The following NPAS2 variants were observed in gnomAD, a reference collection of about 807,000 sequenced individuals.
The protein encoded by NPAS2 is neuronal PAS domain-containing protein 2.
A neutral mutation model predicts 107.5 loss-of-function variants in NPAS2; 23 were observed. The observed-to-expected ratio is 0.21, with a 90% CI of 0.15 to 0.30. NPAS2 has a LOEUF of 0.30. Among genes scored for constraint, NPAS2 ranks in the 10% least tolerant of loss-of-function variants. NPAS2 has a pLI of 1.00. For missense variants in NPAS2, 756 were observed against 1,043.3 expected (o/e 0.72, Z 3.79); for synonymous variants, 403 against 417.5 (o/e 0.97, Z 0.42).
chr2:100,831,185 A>G (rs1676711897), intron 1 of NPAS2, among the ~76,000 whole-genome samples: 1 of 152,000 alleles, frequency 6.6e-6, no homozygotes, highest in Admixed American at 6.6e-5. Flanking sequence ...AATCCCAGCT[A>G]CTCGGAAGGC....
At position 100,848,611 on chromosome 2, in the gene NPAS2, A is replaced by G. The variant is rs1677944778; in HGVS notation, c.-23+28197A>G. 3.3e-5 allele frequency among the ~76,000 whole-genome samples: 5 copies of G among 152,336 alleles called. No individual in the cohort carries two copies. In the South Asian group the frequency reaches 1.0e-3, roughly 32 times the overall value. ...TGAATGAGAGGAATACATACGTGCC[A>G]TCATAGGTTGAAAAAGTGATCTTTT... On this transcript the variant is annotated intron_variant, in intron 1 of 20. Coordinates refer to ENST00000335681, the MANE Select transcript of NPAS2 (RefSeq NM_002518.4).
intron 7 of NPAS2, among the ~76,000 whole-genome samples, chr2:100,953,391 CA>C (rs1242752947): frequency 2.1e-5 from 3 of 140,726 alleles, no homozygotes; most frequent in Admixed American, 7.2e-5. Context: ...AAAAAAAAAA[CA>C]AAAAAAACAC....
chr2:100,966,518 C>G (rs528097108), intron 10 of NPAS2, among the ~76,000 whole-genome samples: 67 of 152,028 alleles, frequency 4.4e-4, no homozygotes, highest in African/African-American at 1.6e-3. Context: ...ACCTATTGAT[C>G]CTAATGCATG....
chr2:100,956,546 A>G (rs958238876), intron 7 of NPAS2, among the ~76,000 whole-genome samples: 2 of 152,200 alleles, frequency 1.3e-5, no homozygotes, highest in Non-Finnish European at 2.9e-5. Context: ...ACATGTTTTC[A>G]TTCTTTTCAT....
At chr2:100,908,311 C>T (rs750760308) in intron 2 of NPAS2, among the ~76,000 whole-genome samples, 3 of 151,988 alleles carry the variant, frequency 2.0e-5, no homozygotes, top group Admixed American at 2.0e-4. Flanking sequence ...ATTTGCAGAG[C>T]GCTCACAGCC....
intron 2 of NPAS2, among the ~76,000 whole-genome samples, chr2:100,912,110 G>T (rs1045127984): frequency 6.6e-6 from 1 of 152,166 alleles, no homozygotes; most frequent in Non-Finnish European, 1.5e-5. Flanking sequence ...AGTTCTACCA[G>T]AAATGTGTGT....
At chr2:100,908,133 C>T (rs1378861230) in intron 2 of NPAS2, among the ~76,000 whole-genome samples, 1 of 152,092 alleles carries the variant, frequency 6.6e-6, no homozygotes, top group Non-Finnish European at 1.5e-5. Flanking sequence ...TTGATTCTTG[C>T]CAATGTTTAC....
chr2:100,901,674 G>A, intron 1 of NPAS2: 1 of 344,416 alleles, frequency 2.9e-6, no homozygotes, highest in Non-Finnish European at 4.1e-6. Context: ...GCCTCCTATG[G>A]GACACACTCC....
At position 100,854,341 on chromosome 2, in the gene NPAS2, G is replaced by A. The variant is rs1274898867; in HGVS notation, c.-23+33927G>A. On this transcript the variant is annotated intron_variant, in intron 1 of 20. Transcript: ENST00000335681. ...GCCTAAGTGGCTTAAGGAAGTGAGA[G>A]CAACTACTGGGAAGGAAGTGGAGTA... is the stretch of plus-strand genomic sequence containing the variant. Among the ~76,000 whole-genome samples the A allele has an allele frequency of 2.6e-5, 4 of 152,224 alleles. No individual in the cohort carries two copies. In the South Asian group the frequency reaches 6.2e-4, roughly 24 times the overall value.
chr2:100,911,183 G>T (rs1306896364), intron 2 of NPAS2, among the ~76,000 whole-genome samples: 1 of 152,094 alleles, frequency 6.6e-6, no homozygotes, highest in Non-Finnish European at 1.5e-5. Context: ...ATACAATCCT[G>T]CATTTAAAAA....
chr2:100,952,639 A>T (rs1039139712), intron 7 of NPAS2, among the ~76,000 whole-genome samples: 2 of 152,042 alleles, frequency 1.3e-5, no homozygotes, highest in African/African-American at 4.8e-5. Flanking sequence ...ATCCTTTGTG[A>T]ATTTACATTT....
rs78355417 is a variant in NPAS2, at chr2:100,946,342, A to G, written c.364-1893A>G. On this transcript the variant is annotated intron_variant, in intron 5 of 20. Transcript: ENST00000335681. ...TCATTGTCCCCTCAGAGCCCCTTAA[A>G]TCATCAGTGGGGGTGGAGGGTGTCA... Among the ~76,000 whole-genome samples, 111 of 152,228 alleles carry G rather than the reference A, an allele frequency of 7.3e-4. 2 individuals carry two copies. The East Asian group carries it at 0.02, about 28-fold the overall frequency.
intron 1 of NPAS2, among the ~76,000 whole-genome samples, chr2:100,872,497 T>C (rs1215940081): frequency 1.3e-5 from 2 of 152,234 alleles, no homozygotes; most frequent in African/African-American, 4.8e-5. Context: ...ACTTTTATTT[T>C]AAGGAGTAAC....
rs776012353 is a variant in NPAS2 at position 100,968,396 on chromosome 2, C to T, written c.1023C>T (p.Pro341=). ...CCTACCATCAGTGGAACTCCAAGCC[C>T]GAGTTCATCGTGTGCACACACTCGG... is the stretch of plus-strand genomic sequence containing the variant. ...YITYHQWNSK[P]EFIVCTHSVV... The change falls in exon 11 of 21, where the codon CCC becomes CCT. Residue 341 remains proline, a synonymous_variant. Transcript: ENST00000335681. This position sits in a 1 kb window ranked among gnomAD's most constrained non-coding sequence, Gnocchi z 5.3. 14 of 1,613,978 alleles carry T rather than the reference C, an allele frequency of 8.7e-6. No homozygotes were observed. Among genetic ancestry groups the T allele is most frequent in the South Asian group, 3.3e-5 (3 of 91,068 alleles).
chr2:100,986,808 CATT>C (rs1473913894), intron 16 of NPAS2: 6 of 152,316 alleles, frequency 3.9e-5, no homozygotes, highest in African/African-American at 1.4e-4. Context: ...GAATAATCAA[CATT>C]ATCTACCAAA....
At chr2:100,837,821 T>G (rs1446257038) in intron 1 of NPAS2, among the ~76,000 whole-genome samples, 1 of 152,164 alleles carries the variant, frequency 6.6e-6, no homozygotes, top group Non-Finnish European at 1.5e-5. Flanking sequence ...GAGACACTGT[T>G]GTCCTCAACT....
intron 5 of NPAS2, among the ~76,000 whole-genome samples, chr2:100,946,628 C>A (rs527370730): frequency 1.3e-5 from 2 of 152,128 alleles, no homozygotes; most frequent in African/African-American, 4.8e-5. Flanking sequence ...CTGGAGCAGT[C>A]GGAAGCCAAG....
intron 17 of NPAS2, chr2:100,989,600 G>A (rs1446276791): frequency 6.6e-6 from 1 of 152,222 alleles, no homozygotes; most frequent in African/African-American, 2.4e-5. Flanking sequence ...CCCAAAGCAG[G>A]TGCAAGCCCA....
intron 1 of NPAS2, chr2:100,901,559 A>T: frequency 1.0e-6 from 1 of 984,936 alleles, no homozygotes; most frequent in Non-Finnish European, 1.2e-6. Context: ...TGTGCAGAGG[A>T]TCCTGCAGAC....
Sources: allele counts gnomAD v4.1 joint callset (sites outside exome capture counted in the v4.1 genomes callset), GRCh38; gene constraint gnomAD v4.1.1; non-coding constraint Gnocchi (gnomAD v3.1); transcripts MANE v1.5; gene names NCBI Gene and HGNC (gene_info 2026-07-23, HGNC 2026-07-21).